Variants in GLIS3 observed in about 807,000 individuals in gnomAD.
GLIS3 encodes GLIS family zinc finger 3, also known as zinc finger protein GLIS3.
Under a neutral mutation model 78.6 loss-of-function variants are expected in GLIS3, and 53 were observed. The observed-to-expected ratio is 0.67, with a 90% CI of 0.54 to 0.85. GLIS3 has a LOEUF of 0.85. Among genes scored for constraint, GLIS3 ranks in the 40% least tolerant of loss-of-function variants. GLIS3 has a pLI of 0.00. For synonymous variants in GLIS3, 684 were observed against 509.9 expected (o/e 1.34, Z -4.60); for missense variants, 1,703 against 1,231.1 (o/e 1.38, Z -5.74).
chr9:4,392,230 G>A, the GLIS3 span, among the ~76,000 whole-genome samples: 1 of 151,794 alleles, frequency 6.6e-6, no homozygotes, highest in African/African-American at 2.4e-5. Context: ...ACACACACTA[G>A]GGCCTGTCGT....
chr9:4,159,481 G>A (rs1365259990), intron 2 of GLIS3, among the ~76,000 whole-genome samples: 1 of 152,198 alleles, frequency 6.6e-6, no homozygotes, highest in Non-Finnish European at 1.5e-5. Context: ...CACTTTAGGA[G>A]CCCGAGGCAG....
chr9:4,111,654 G>C (rs934077747), intron 4 of GLIS3, among the ~76,000 whole-genome samples: 1 of 152,222 alleles, frequency 6.6e-6, no homozygotes, highest in Non-Finnish European at 1.5e-5. Context: ...TGACATATAT[G>C]TGTCTACACT....
intron 4 of GLIS3, among the ~76,000 whole-genome samples, chr9:4,105,416 G>A (rs1490680405): frequency 6.6e-6 from 1 of 152,152 alleles, no homozygotes; most frequent in Non-Finnish European, 1.5e-5. Flanking sequence ...GAACACAATG[G>A]ACTTTATTTT....
In GLIS3 at chr9:3,830,445, C is replaced by G. The variant is rs537426824; in HGVS notation, c.2474-953G>C. Among the ~76,000 whole-genome samples the G allele has an allele frequency of 2.0e-5, 3 of 152,298 alleles. No individual in the cohort carries two copies. The East Asian group carries it at 5.8e-4, about 29-fold the overall frequency. ...CTCTGCTGTTAACTCTCTACATTTCCTTGTGTCTGTCTCCTCAACCGTAAA... is the reference window on the plus strand; with the variant it reads ...CTCTGCTGTTAACTCTCTACATTTCGTTGTGTCTGTCTCCTCAACCGTAAA... On this transcript the variant is annotated intron_variant, in intron 9 of 10. Transcript: ENST00000381971.
At chr9:3,994,866 C>T (rs1820616577) in intron 4 of GLIS3, among the ~76,000 whole-genome samples, 1 of 152,010 alleles carries the variant, frequency 6.6e-6, no homozygotes, top group Non-Finnish European at 1.5e-5. Context: ...GCATGGCTGC[C>T]CTACAGATAA....
At chr9:4,165,740 G>C (rs563954866) in intron 2 of GLIS3, among the ~76,000 whole-genome samples, 1 of 152,210 alleles carries the variant, frequency 6.6e-6, no homozygotes, top group Non-Finnish European at 1.5e-5. Flanking sequence ...CAAATATACA[G>C]TTGGAAAGGA....
Position 4,208,903 on chromosome 9 carries a change from C to T in GLIS3, c.388+77135G>A, listed in dbSNP as rs142911151. 1.2e-4 allele frequency among the ~76,000 whole-genome samples: 18 copies of T among 152,230 alleles called. No homozygotes were observed. The East Asian group carries it at 3.5e-3, about 29-fold the overall frequency. The stretch of plus-strand genomic sequence containing the variant: ...CTCCAGCTTTCATGATATTCCTTTC[C>T]ATAATAAAGGCTGTCTGGATGGGAG... On this transcript the variant is annotated intron_variant, in intron 2 of 10. Transcript: ENST00000381971.
the GLIS3 span, among the ~76,000 whole-genome samples, chr9:4,490,029 G>A: frequency 4.6e-5 from 7 of 152,202 alleles, no homozygotes; most frequent in African/African-American, 1.7e-4. Flanking sequence ...GAGCAAGAGG[G>A]ACCCAAGGCA....
intron 4 of GLIS3, among the ~76,000 whole-genome samples, chr9:3,962,403 T>A (rs1340299933): frequency 3.3e-5 from 5 of 152,210 alleles, no homozygotes; most frequent in African/African-American, 1.2e-4. Flanking sequence ...AGGCTAGAAA[T>A]ACCTGGTGCC....
chr9:3,883,506 G>A (rs565387394), intron 7 of GLIS3, among the ~76,000 whole-genome samples: 12 of 152,168 alleles, frequency 7.9e-5, no homozygotes, highest in South Asian at 2.1e-4. Flanking sequence ...TTCGCAAAAG[G>A]AAAAACTTCC....
At chr9:4,054,903 G>C (rs532553105) in intron 4 of GLIS3, among the ~76,000 whole-genome samples, 1 of 152,154 alleles carries the variant, frequency 6.6e-6, no homozygotes, top group Admixed American at 6.6e-5. Context: ...TTAAAAGGAA[G>C]ATATTGGTCC....
the GLIS3 span, among the ~76,000 whole-genome samples, chr9:4,471,572 G>A: frequency 6.6e-6 from 1 of 152,140 alleles, no homozygotes; most frequent in Non-Finnish European, 1.5e-5. Flanking sequence ...GCTGAAATTG[G>A]ATCCCTTCCT....
chr9:4,374,602 C>A, the GLIS3 span, among the ~76,000 whole-genome samples: 1 of 152,242 alleles, frequency 6.6e-6, no homozygotes. Context: ...CCCCCTTCCT[C>A]CTCTGTGTGG....
At chr9:4,264,614 T>A (rs540741472) in intron 2 of GLIS3, among the ~76,000 whole-genome samples, 5 of 152,244 alleles carry the variant, frequency 3.3e-5, no homozygotes, top group Admixed American at 3.3e-4. Flanking sequence ...GGGAACACTC[T>A]TCCTTAGGTC....
intron 2 of GLIS3, among the ~76,000 whole-genome samples, chr9:4,163,579 T>C (rs1027589667): frequency 6.6e-6 from 1 of 152,260 alleles, no homozygotes; most frequent in Non-Finnish European, 1.5e-5. Flanking sequence ...CAGGACAGCA[T>C]GGCAGTTTGG....
chr9:4,361,482 C>T, the GLIS3 span, among the ~76,000 whole-genome samples: 36 of 152,348 alleles, frequency 2.4e-4, no homozygotes, highest in African/African-American at 7.0e-4. Flanking sequence ...ATAGGGTTGA[C>T]CCCGTTCCCT....
chr9:4,212,963 A>G (rs1008378875), intron 2 of GLIS3, among the ~76,000 whole-genome samples: 1 of 152,180 alleles, frequency 6.6e-6, no homozygotes, highest in African/African-American at 2.4e-5. Flanking sequence ...GGAAGAAGCC[A>G]AAACTAGAAA....
intron 8 of GLIS3, among the ~76,000 whole-genome samples, chr9:3,863,511 C>T (rs984802606): frequency 7.2e-5 from 11 of 152,178 alleles, no homozygotes; most frequent in African/African-American, 2.7e-4. Flanking sequence ...CTAATCTGTC[C>T]CCTGGAAGAG....
At chr9:3,838,654 G>A (rs1429376242) in intron 9 of GLIS3, among the ~76,000 whole-genome samples, 1 of 152,110 alleles carries the variant, frequency 6.6e-6, no homozygotes, top group Non-Finnish European at 1.5e-5. Context: ...TCCCTGTCTA[G>A]GTTAAAGCTC....
Sources: allele counts gnomAD v4.1 joint callset (sites outside exome capture counted in the v4.1 genomes callset), GRCh38; gene constraint gnomAD v4.1.1; transcripts MANE v1.5; gene names NCBI Gene and HGNC (gene_info 2026-07-23, HGNC 2026-07-21).